Variants in RIMBP2 observed in about 807,000 individuals in gnomAD.
RIMBP2 encodes RIMS binding protein 2.
In RIMBP2, 48 loss-of-function variants were observed where a neutral mutation model predicts 118.6. That is an observed-to-expected ratio of 0.40 (90% CI 0.32 to 0.51). The LOEUF (loss-of-function observed/expected upper bound fraction) is 0.51, where lower values mean the gene tolerates loss of function less well. Among genes scored for constraint, RIMBP2 ranks in the 20% least tolerant of loss-of-function variants. RIMBP2 has a pLI of 0.41. For synonymous variants in RIMBP2, 762 were observed against 742.9 expected, an observed-to-expected ratio of 1.03 and a Z score of -0.42; for missense variants, 1,551 against 1,768.3, an observed-to-expected ratio of 0.88 and a Z score of 2.20.
rs1313930470 is a variant in RIMBP2, at chr12:130,437,237, G to A, written c.1711C>T (p.Leu571=). 7 of 1,586,248 alleles carry A rather than the reference G, an allele frequency of 4.4e-6. No homozygotes were observed. Among genetic ancestry groups the A allele is most frequent in the Non-Finnish European group, 6.0e-6 (7 of 1,172,116 alleles). ...ADSTAVELVR[L]RSLEAKGVTV... ...ACGCCCTTGGCCTCCAGGCTCCGCAGCCGCACAAGCTCCACGGCCGTGCTG... is the reference window on the plus strand; with the variant it reads ...ACGCCCTTGGCCTCCAGGCTCCGCAACCGCACAAGCTCCACGGCCGTGCTG... Residue 571 remains leucine (L), a synonymous_variant, in exon 13 of 23, where the codon CTG becomes TTG. Transcript: ENST00000690449.
At chr12:130,429,216 G>C (rs916468306) in intron 14 of RIMBP2, 1 of 152,316 alleles carries the variant, frequency 6.6e-6, no homozygotes, top group Non-Finnish European at 1.5e-5. Context: ...CGCACAGACT[G>C]TGTGCTTACT....
In RIMBP2 at chr12:130,571,416, A is replaced by ACATTTTTTTTTT. The variant is rs386378267; in HGVS notation, c.-216-53500_-216-53499insAAAAAAAAAATG. The stretch of plus-strand genomic sequence containing the variant: ...GTGTGCTACTGCTACCCATAGTAAC[A>ACATTTTTTTTTT]TTTTTTTTTTTTTTTTTTTTGGAGA... On this transcript the variant is annotated intron_variant, in intron 2 of 22. Transcript: ENST00000690449. Among the ~76,000 whole-genome samples, 2 of 104,298 alleles carry ACATTTTTTTTTT rather than the reference A, an allele frequency of 1.9e-5. 1 individual carries two copies. The allele number at this position is 104,298 out of a possible 152,430, so 68.4% of individuals were successfully genotyped here. A position where few individuals can be genotyped will look rare whatever the true frequency, so the allele number is the denominator to read the frequency against.
intron 14 of RIMBP2, chr12:130,428,582 A>G (rs1446818527): frequency 8.2e-6 from 3 of 367,882 alleles, no homozygotes; most frequent in Non-Finnish European, 1.5e-5. Flanking sequence ...AGGTACAGAA[A>G]CACCTGAGCT....
intron 22 of RIMBP2, chr12:130,399,269 G>T: frequency 1.7e-6 from 1 of 578,360 alleles, no homozygotes; most frequent in Non-Finnish European, 2.5e-6. Context: ...AAACATGAAT[G>T]TAGTCTAATA....
At chr12:130,491,719 C>A (rs1196720046) in intron 4 of RIMBP2, among the ~76,000 whole-genome samples, 1 of 152,218 alleles carries the variant, frequency 6.6e-6, no homozygotes, top group African/African-American at 2.4e-5. Flanking sequence ...TGACACCGGG[C>A]TTCCGCCTCC....
chr12:130,498,633 CAA>C (rs35549770), intron 4 of RIMBP2, among the ~76,000 whole-genome samples: 4 of 115,684 alleles, frequency 3.5e-5, no homozygotes, highest in Admixed American at 1.8e-4. Flanking sequence ...AAACAGCATT[CAA>C]AAAAAAAAAA....
chr12:130,445,226 GCT>G lies in RIMBP2; in HGVS notation c.623_624del (p.Glu208AlafsTer17). 1 of 1,613,432 alleles carries G rather than the reference GCT, an allele frequency of 6.2e-7. No homozygotes were observed. Among genetic ancestry groups the G allele is most frequent in the Non-Finnish European group, 8.5e-7 (1 of 1,179,742 alleles). On this transcript the variant is annotated frameshift_variant, in exon 10 of 23. Coordinates refer to ENST00000690449, the MANE Select transcript of RIMBP2 (RefSeq NM_001393629.1). LOFTEE classifies it high-confidence loss of function. ...AGGTATTTTCCCGCCGTGAGGGGCA[GCT>G]CAGCTTCGGGGTTCTCGTTCGGTCC... ...FDGPNENPEA[E>X]LPLTAGKYLY...
intron 1 of RIMBP2, among the ~76,000 whole-genome samples, chr12:130,674,848 G>T (rs536060089): frequency 6.6e-6 from 1 of 151,990 alleles, no homozygotes; most frequent in Non-Finnish European, 1.5e-5. Flanking sequence ...GGTCGTATAC[G>T]TGGGATCCTG....
chr12:130,649,530 G>C (rs935088762), intron 1 of RIMBP2, among the ~76,000 whole-genome samples: 1 of 152,238 alleles, frequency 6.6e-6, no homozygotes, highest in Non-Finnish European at 1.5e-5. Flanking sequence ...CCGCTGAGAA[G>C]TGGCTTCCCA....
chr12:130,440,776 TC>T (rs1458855576), intron 11 of RIMBP2, among the ~76,000 whole-genome samples: 1 of 152,172 alleles, frequency 6.6e-6, no homozygotes, highest in Non-Finnish European at 1.5e-5. Context: ...GGACGTGCTG[TC>T]CCCCTCAGGC....
chr12:130,601,520 G>T (rs1430898503), intron 2 of RIMBP2, among the ~76,000 whole-genome samples: 1 of 152,086 alleles, frequency 6.6e-6, no homozygotes. Context: ...AATTAAGTTT[G>T]TTATTGCAGT....
intron 1 of RIMBP2, among the ~76,000 whole-genome samples, chr12:130,680,655 G>T (rs2064738365): frequency 6.6e-6 from 1 of 152,238 alleles, no homozygotes; most frequent in African/African-American, 2.4e-5. Context: ...GGCAATGTCT[G>T]GGGGCATTTC....
intron 1 of RIMBP2, among the ~76,000 whole-genome samples, chr12:130,714,595 G>A (rs1430959680): frequency 1.3e-5 from 2 of 152,240 alleles, no homozygotes; most frequent in Non-Finnish European, 2.9e-5. Flanking sequence ...AATAGCCGCT[G>A]CCAGCGCCTT....
At chr12:130,709,074 G>T in intron 1 of RIMBP2, among the ~76,000 whole-genome samples, 1 of 152,264 alleles carries the variant, frequency 6.6e-6, no homozygotes, top group East Asian at 1.9e-4. Context: ...ACCCAGCAAC[G>T]TGCCGGCAAC....
At chr12:130,646,478 A>G (rs7133723) in intron 1 of RIMBP2, among the ~76,000 whole-genome samples, 1,418 of 36,412 alleles carry the variant, frequency 0.039, 516 homozygotes, top group East Asian at 0.32. Flanking sequence ...TACCTCCCTC[A>G]CTACTGCAAA....
chr12:130,436,045 T>C (rs1195785597), intron 13 of RIMBP2, among the ~76,000 whole-genome samples: 1 of 152,162 alleles, frequency 6.6e-6, no homozygotes, highest in East Asian at 1.9e-4. Flanking sequence ...AGGGCTGTGC[T>C]GCCACCTCAG....
chr12:130,498,061 G>A (rs1399159681), intron 4 of RIMBP2, among the ~76,000 whole-genome samples: 1 of 152,234 alleles, frequency 6.6e-6, no homozygotes, highest in Non-Finnish European at 1.5e-5. Context: ...AAGCACCTCT[G>A]CAGAGAAGCA....
intron 1 of RIMBP2, among the ~76,000 whole-genome samples, chr12:130,637,842 T>C (rs2062420340): frequency 6.6e-6 from 1 of 152,214 alleles, no homozygotes; most frequent in African/African-American, 2.4e-5. Flanking sequence ...GATGAGCAGA[T>C]TCCCTGGGTC....
At chr12:130,664,431 GCATGCACGCACA>G (rs1566439147) in intron 1 of RIMBP2, among the ~76,000 whole-genome samples, 20 of 39,798 alleles carry the variant, frequency 5.0e-4, no homozygotes, top group South Asian at 8.2e-4. Context: ...GCACACACAT[GCATGCACGCACA>G]CACGCACACA....
Sources: gnomAD v4.1 joint callset for allele counts (sites outside exome capture counted in the v4.1 genomes callset) on GRCh38, gnomAD v4.1.1 for gene constraint, MANE v1.5 for transcripts, NCBI Gene and HGNC (gene_info 2026-07-23, HGNC 2026-07-21) for gene names.